The following DEPDC5 variants were observed in gnomAD, a reference collection of about 807,000 sequenced individuals.
The protein encoded by DEPDC5 is DEP domain containing 5, GATOR1 subcomplex subunit.
DEPDC5 carries 73 observed loss-of-function variants against 217.3 expected under a neutral mutation model. The observed-to-expected ratio is 0.34, with a 90% CI of 0.28 to 0.41. The LOEUF is 0.41. Ranked by LOEUF, DEPDC5 falls within the 10% of genes least tolerant of loss-of-function variation. The pLI is 1.00. For synonymous variants in DEPDC5, 733 were observed against 756.7 expected, an observed-to-expected ratio of 0.97 and a Z score of 0.51; for missense variants, 1,675 against 2,070.1, an observed-to-expected ratio of 0.81 and a Z score of 3.70.
intron 21 of DEPDC5, among the ~76,000 whole-genome samples, chr22:31,818,418 C>G (rs763378213): frequency 6.6e-6 from 1 of 152,122 alleles, no homozygotes; most frequent in African/African-American, 2.4e-5. Flanking sequence ...CATTGGTCTC[C>G]TGGGTTGCCA....
chr22:31,822,185 G>T (rs1347996091), intron 23 of DEPDC5, among the ~76,000 whole-genome samples: 1 of 152,224 alleles, frequency 6.6e-6, no homozygotes, highest in Non-Finnish European at 1.5e-5. Context: ...AGTCATTTAA[G>T]CCTTGACAGG....
chr22:31,906,526 G>A lies in DEPDC5; in HGVS notation c.*29G>A, dbSNP rs200721262. On this transcript the variant is annotated 3_prime_UTR_variant, in exon 43 of 43. Transcript: ENST00000651528. This position sits in a 1 kb window ranked among gnomAD's most constrained non-coding sequence, Gnocchi z 5.1. ...CAGGCTGCACCTGTGCTGGGGGAAG[G>A]TGGGTGAGCCACTGCCCTCAAACCC... The A allele has an allele frequency of 3.7e-5, 59 of 1,607,720 alleles. No homozygotes were observed. In the African/African-American group the frequency reaches 7.1e-4, roughly 19 times the overall value.
At chr22:31,834,343 G>A (rs2090831926) in intron 25 of DEPDC5, 1 of 229,956 alleles carries the variant, frequency 4.3e-6, no homozygotes, top group Non-Finnish European at 8.7e-6. Context: ...TTACCTGCCT[G>A]TAGTTGAAAT....
At chr22:31,817,409 C>A in intron 21 of DEPDC5, 3 of 446,806 alleles carry the variant, frequency 6.7e-6, no homozygotes, top group African/African-American at 2.0e-5. Context: ...CTTGCCTGGC[C>A]AAAGTGACAT....
chr22:31,757,338 T>C (rs760609094), intron 2 of DEPDC5: 5 of 152,198 alleles, frequency 3.3e-5, no homozygotes, highest in Non-Finnish European at 7.3e-5. Context: ...ATCAATATAG[T>C]GACCTCCCAG....
intron 20 of DEPDC5, among the ~76,000 whole-genome samples, chr22:31,812,907 A>ATT: frequency 2.0e-5 from 3 of 150,084 alleles, no homozygotes; most frequent in Non-Finnish European, 4.4e-5. Flanking sequence ...CGCCTGGCTA[A>ATT]TTTTGTATTT....
At chr22:31,864,828 A>G (rs1271622388) in intron 33 of DEPDC5, among the ~76,000 whole-genome samples, 4 of 152,180 alleles carry the variant, frequency 2.6e-5, no homozygotes, top group African/African-American at 9.6e-5. Flanking sequence ...AGCTAGGACT[A>G]CAGGCATCTG....
intron 24 of DEPDC5, among the ~76,000 whole-genome samples, chr22:31,823,789 A>G (rs1157680245): frequency 6.6e-6 from 1 of 152,152 alleles, no homozygotes; most frequent in East Asian, 1.9e-4. Context: ...ACGTCCAGAG[A>G]GGTAGAAATA....
chr22:31,820,204 T>C (rs2089548802), intron 22 of DEPDC5, among the ~76,000 whole-genome samples: 1 of 152,066 alleles, frequency 6.6e-6, no homozygotes, highest in African/African-American at 2.4e-5. Flanking sequence ...CTCTGCCTTT[T>C]GGGTTCAAAC....
intron 35 of DEPDC5, among the ~76,000 whole-genome samples, 188 bp downstream of exon 35, chr22:31,873,520 T>G (rs2092907685): frequency 6.6e-6 from 1 of 151,948 alleles, no homozygotes; most frequent in African/African-American, 2.4e-5. Context: ...GTTTTTTGTT[T>G]TTTTTTTTTG....
intron 24 of DEPDC5, among the ~76,000 whole-genome samples, chr22:31,832,741 T>C (rs2090699715): frequency 6.6e-6 from 1 of 152,250 alleles, no homozygotes; most frequent in South Asian, 2.1e-4. Flanking sequence ...TTTGCATATG[T>C]TGTTTGTCCT....
chr22:31,889,603 G>T (rs2093396373), intron 38 of DEPDC5, among the ~76,000 whole-genome samples: 1 of 142,104 alleles, frequency 7.0e-6, no homozygotes, highest in Non-Finnish European at 1.5e-5. Flanking sequence ...ATGCTGGAGT[G>T]CAGAGGCGCT....
intron 41 of DEPDC5, among the ~76,000 whole-genome samples, chr22:31,905,456 C>T (rs972801290): frequency 1.3e-5 from 2 of 151,678 alleles, no homozygotes; most frequent in Non-Finnish European, 2.9e-5. Flanking sequence ...CCAGTCTGGG[C>T]AACAGTGCGA....
chr22:31,901,201 C>A (rs1298717047), intron 40 of DEPDC5, among the ~76,000 whole-genome samples: 2 of 151,486 alleles, frequency 1.3e-5, no homozygotes, highest in African/African-American at 4.9e-5. Flanking sequence ...CAAGATCGCA[C>A]CACTGCATTC....
chr22:31,762,938 C>A (rs1206718735), intron 4 of DEPDC5, among the ~76,000 whole-genome samples: 1 of 151,982 alleles, frequency 6.6e-6, no homozygotes, highest in Admixed American at 6.6e-5. Flanking sequence ...CCTCAGCCTC[C>A]CAGGTAGTTA....
At chr22:31,864,066 G>A (rs1448055238) in intron 33 of DEPDC5, among the ~76,000 whole-genome samples, 2 of 151,178 alleles carry the variant, frequency 1.3e-5, no homozygotes, top group Non-Finnish European at 2.9e-5. Flanking sequence ...CTGATGTGCA[G>A]CATAGAATGG....
intron 37 of DEPDC5, among the ~76,000 whole-genome samples, chr22:31,878,032 C>A (rs1039051538): frequency 6.6e-6 from 1 of 151,742 alleles, no homozygotes; most frequent in African/African-American, 2.4e-5. Context: ...CTAAAAAATA[C>A]AAAAATTAGC....
In DEPDC5 at chr22:31,861,426, A is replaced by C. The variant is rs1007806024; in HGVS notation, c.3323A>C (p.Tyr1108Ser). The change falls in exon 33 of 43, where the codon TAC (tyrosine) becomes TCC (serine). Residue 1108 changes from tyrosine (Y) to serine (S), a missense_variant. By Grantham distance (144) the Tyr-to-Ser change is moderately radical. Around this residue, in one of 11 missense-constraint regions of DEPDC5, gnomAD observed 126 missense variants for 113.8 expected, o/e 1.11. Transcript: ENST00000651528. The part of the protein sequence containing the change: ...RSPRTASSAF[Y>S]PQVSVDQTAT... Reference sequence around the variant, plus strand: ...CCACGCACAGCATCGTCCGCCTTCTACCCTCAGGTTAGTCCAACTCCAGGG... The same window carrying C: ...CCACGCACAGCATCGTCCGCCTTCTCCCCTCAGGTTAGTCCAACTCCAGGG... 6.4e-7 allele frequency: 1 copy of C among 1,551,050 alleles called. No homozygotes were observed. Among genetic ancestry groups the C allele is most frequent in the Non-Finnish European group, 8.7e-7 (1 of 1,146,872 alleles).
chr22:31,760,209 A>G (rs1272803665), intron 3 of DEPDC5, among the ~76,000 whole-genome samples: 1 of 151,854 alleles, frequency 6.6e-6, no homozygotes, highest in Non-Finnish European at 1.5e-5. Context: ...CTGGGACTAC[A>G]GGCGCCCACC....
Sources: gnomAD v4.1 joint callset for allele counts (sites outside exome capture counted in the v4.1 genomes callset) on GRCh38, gnomAD v4.1.1 for gene constraint, gnomAD v4.1.1 regional missense constraint, Gnocchi (gnomAD v3.1) non-coding constraint, MANE v1.5 for transcripts, NCBI Gene and HGNC (gene_info 2026-07-23, HGNC 2026-07-21) for gene names.